The following OPCML variants were observed in gnomAD, a reference collection of about 807,000 sequenced individuals.
The protein encoded by OPCML is opioid binding protein/cell adhesion molecule like, also known as opioid-binding protein/cell adhesion molecule.
OPCML carries 13 observed loss-of-function variants against 37.8 expected under a neutral mutation model. The ratio of observed to expected loss-of-function variants is 0.34; its 90% CI spans 0.22 to 0.55. The LOEUF (loss-of-function observed/expected upper bound fraction) is 0.55, where lower values mean the gene tolerates loss of function less well. Ranked by LOEUF, OPCML falls within the 20% of genes least tolerant of loss-of-function variation. The pLI, the probability that OPCML is intolerant of heterozygous loss-of-function variation, is 0.91. For synonymous variants in OPCML, 176 were observed against 168.8 expected (o/e 1.04, Z -0.33); for missense variants, 341 against 435.6 (o/e 0.78, Z 1.93).
At chr11:133,153,612 C>T (rs1950017381) in intron 1 of OPCML, among the ~76,000 whole-genome samples, 1 of 152,144 alleles carries the variant, frequency 6.6e-6, no homozygotes, top group African/African-American at 2.4e-5. Context: ...TGGCTCAGCT[C>T]TTCTTCCCTG....
intron 1 of OPCML, among the ~76,000 whole-genome samples, chr11:133,359,034 T>G (rs906228775): frequency 2.0e-5 from 3 of 152,106 alleles, no homozygotes; most frequent in Non-Finnish European, 2.9e-5. Flanking sequence ...AACTTTGTTG[T>G]TTATTCTGAA....
intron 3 of OPCML, among the ~76,000 whole-genome samples, chr11:132,534,244 A>G (rs1396698506): frequency 6.6e-6 from 1 of 152,034 alleles, no homozygotes; most frequent in Non-Finnish European, 1.5e-5. Context: ...TCTTGTTACA[A>G]TCTCTCCTCA....
chr11:133,082,948 T>C (rs1948758237), intron 1 of OPCML, among the ~76,000 whole-genome samples: 1 of 150,592 alleles, frequency 6.6e-6, no homozygotes, highest in Non-Finnish European at 1.5e-5. Context: ...GTCGCGCCAG[T>C]GCCTCGCCGG....
chr11:132,632,804 G>A (rs1251534269), intron 3 of OPCML, among the ~76,000 whole-genome samples: 1 of 152,100 alleles, frequency 6.6e-6, no homozygotes, highest in African/African-American at 2.4e-5. Context: ...CGTTCAGCAC[G>A]GCTGCTGCTC....
At chr11:132,478,399 T>C (rs543831157) in intron 4 of OPCML, among the ~76,000 whole-genome samples, 2 of 152,152 alleles carry the variant, frequency 1.3e-5, no homozygotes, top group East Asian at 1.9e-4. Context: ...TGTATGATGA[T>C]GGTGAGGAAG....
chr11:133,038,787 C>T (rs1398369628), intron 1 of OPCML, among the ~76,000 whole-genome samples: 1 of 151,676 alleles, frequency 6.6e-6, no homozygotes, highest in Non-Finnish European at 1.5e-5. Context: ...GGGTTGATCC[C>T]CCTCTTATTC....
At chr11:133,105,895 T>A (rs543677359) in intron 1 of OPCML, among the ~76,000 whole-genome samples, 189 of 151,966 alleles carry the variant, frequency 1.2e-3, no homozygotes, top group South Asian at 0.01. Context: ...GGCAGGAGAA[T>A]CGCTTGAACC....
At chr11:133,430,572 A>G (rs151100681) in intron 1 of OPCML, among the ~76,000 whole-genome samples, 126 of 152,342 alleles carry the variant, frequency 8.3e-4, no homozygotes, top group South Asian at 2.5e-3. Context: ...AATTCATTGG[A>G]TTGAAAAAAT....
intron 1 of OPCML, among the ~76,000 whole-genome samples, chr11:132,947,723 G>C (rs982197338): frequency 6.6e-6 from 1 of 152,194 alleles, no homozygotes; most frequent in African/African-American, 2.4e-5. Context: ...ATGCTTGGCT[G>C]AGTATCATGA....
intron 2 of OPCML, among the ~76,000 whole-genome samples, chr11:132,737,521 A>G (rs1291938595): frequency 4.6e-5 from 7 of 152,216 alleles, no homozygotes; most frequent in Admixed American, 2.0e-4. Context: ...TTATTCTACT[A>G]TAATCATTTA....
chr11:132,849,763 A>G (rs1941715221), intron 2 of OPCML, among the ~76,000 whole-genome samples: 1 of 152,194 alleles, frequency 6.6e-6, no homozygotes, highest in East Asian at 1.9e-4. Context: ...ACAGCTGGCA[A>G]GGAAGGCAGA....
At chr11:132,711,244 C>A (rs958006714) in intron 2 of OPCML, among the ~76,000 whole-genome samples, 1 of 152,100 alleles carries the variant, frequency 6.6e-6, no homozygotes, top group Non-Finnish European at 1.5e-5. Context: ...TCTCCGCAAG[C>A]GAGGACACTC....
intron 1 of OPCML, among the ~76,000 whole-genome samples, chr11:133,362,796 T>G (rs1385980477): frequency 6.6e-6 from 1 of 151,136 alleles, no homozygotes; most frequent in African/African-American, 2.4e-5. Flanking sequence ...CGGTGGGAAA[T>G]CAACACTGTC....
chr11:132,609,959 C>T lies in OPCML; in HGVS notation c.379+47128G>A, dbSNP rs191348278. ...GAAGTTATTCTTTTCCTTGTACTGA[C>T]ATTTGTCTGTCTCTCTAATAACCAT... On this transcript the variant is annotated intron_variant, in intron 3 of 7. Coordinates refer to ENST00000524381, the MANE Select transcript of OPCML (RefSeq NM_001012393.5). Among the ~76,000 whole-genome samples, 6 of 151,662 alleles carry T rather than the reference C, an allele frequency of 4.0e-5. No homozygotes were observed. The Admixed American group carries it at 4.0e-4, about 10-fold the overall frequency.
intron 3 of OPCML, among the ~76,000 whole-genome samples, chr11:132,553,930 C>A (rs2096388333): frequency 6.6e-6 from 1 of 152,122 alleles, no homozygotes; most frequent in Non-Finnish European, 1.5e-5. Flanking sequence ...AAACCATGAG[C>A]CAAAGCCTCC....
intron 1 of OPCML, among the ~76,000 whole-genome samples, chr11:133,196,149 C>G (rs1938528816): frequency 2.0e-5 from 3 of 152,182 alleles, no homozygotes; most frequent in Admixed American, 2.0e-4. Flanking sequence ...GTAGGAGGAA[C>G]AAGGGGGCTT....
At chr11:133,114,292 A>G (rs562198108) in intron 1 of OPCML, among the ~76,000 whole-genome samples, 6 of 152,260 alleles carry the variant, frequency 3.9e-5, no homozygotes, top group Non-Finnish European at 7.4e-5. Context: ...CATCCCAGTC[A>G]GTGCCAATGT....
At chr11:132,567,068 A>G (rs1318560437) in intron 3 of OPCML, among the ~76,000 whole-genome samples, 1 of 152,122 alleles carries the variant, frequency 6.6e-6, no homozygotes, top group Non-Finnish European at 1.5e-5. Context: ...TAGATTCTAC[A>G]GGCAGAAACA....
rs540879744 is a variant in OPCML, at chr11:133,196,207, G to A, written c.62-253197C>T. The stretch of plus-strand genomic sequence containing the variant: ...TGGGGTTTACTGCACCAAACCAGGT[G>A]TGGAATTTCCTGGACTCCCTAAATC... On this transcript the variant is annotated intron_variant, in intron 1 of 7. Coordinates refer to ENST00000524381, the MANE Select transcript of OPCML (RefSeq NM_001012393.5). Among the ~76,000 whole-genome samples the A allele has an allele frequency of 3.3e-5, 5 of 152,326 alleles. No individual in the cohort carries two copies. The East Asian group carries it at 7.7e-4, about 24-fold the overall frequency.
Sources: allele counts gnomAD v4.1 joint callset (sites outside exome capture counted in the v4.1 genomes callset), GRCh38; gene constraint gnomAD v4.1.1; transcripts MANE v1.5; gene names NCBI Gene and HGNC (gene_info 2026-07-23, HGNC 2026-07-21).